Variants in IGF2R observed in about 807,000 individuals in gnomAD.
IGF2R encodes insulin like growth factor 2 receptor.
Under a neutral mutation model 270.6 loss-of-function variants are expected in IGF2R, and 91 were observed. That is an observed-to-expected ratio of 0.34 (90% CI 0.28 to 0.40). IGF2R has a LOEUF of 0.40. IGF2R is among the 10% of genes least tolerant of loss of function. The pLI, the probability that IGF2R is intolerant of heterozygous loss-of-function variation, is 1.00. For missense variants in IGF2R, 2,805 were observed against 3,188.3 expected (o/e 0.88, Z 2.90); for synonymous variants, 1,316 against 1,258.9 (o/e 1.05, Z -0.96).
rs1003459422 is a variant in IGF2R, at chr6:160,050,162, A to C, written c.2515-311A>C. On this transcript the variant is annotated intron_variant, in intron 18 of 47. Transcript: ENST00000356956. This position sits in a 1 kb window ranked among gnomAD's most constrained non-coding sequence, Gnocchi z 4.0. ...TATTGAACGAAAGCCTTATGATTCCAATGCCAGTGATTCTTTCTGTAGCAA... is the reference window on the plus strand; with the variant it reads ...TATTGAACGAAAGCCTTATGATTCCCATGCCAGTGATTCTTTCTGTAGCAA... Among the ~76,000 whole-genome samples the C allele has an allele frequency of 6.6e-6, 1 of 152,244 alleles. No individual in the cohort carries two copies. The highest frequency in any genetic ancestry group is 1.5e-5 in the Non-Finnish European group (1 of 68,044).
rs1405348801 is a variant in IGF2R at position 160,039,336 on chromosome 6, A to G, written c.1316-1224A>G. Among the ~76,000 whole-genome samples, 7 of 152,234 alleles carry G rather than the reference A, an allele frequency of 4.6e-5. No homozygotes were observed. In the East Asian group the frequency reaches 1.2e-3, roughly 25 times the overall value. On this transcript the variant is annotated intron_variant, in intron 10 of 47. Coordinates refer to ENST00000356956, the MANE Select transcript of IGF2R (RefSeq NM_000876.4). Reference sequence around the variant, plus strand: ...AAAGGTCCACTAAAAATACGATACTATAATCTTTTGAGGCTACCGTTTTAT... The same window carrying G: ...AAAGGTCCACTAAAAATACGATACTGTAATCTTTTGAGGCTACCGTTTTAT...
At position 160,080,146 on chromosome 6, in the gene IGF2R, C is replaced by T; in HGVS notation, c.5704C>T (p.Pro1902Ser). Residue 1902 changes from proline to serine, a missense_variant, in exon 39 of 48, where the codon CCC (proline) becomes TCC (serine). Coordinates refer to ENST00000356956, the MANE Select transcript of IGF2R (RefSeq NM_000876.4). ...RCPPETDDGV[P>S]CVFPFIFNGK... ...CTTTCCAGAAACCGATGACGGCGTC[C>T]CCTGTGTCTTCCCCTTCATATTCAA... is the stretch of plus-strand genomic sequence containing the variant. 1 of 1,614,146 alleles carries T rather than the reference C, an allele frequency of 6.2e-7. No individual in the cohort carries two copies. The highest frequency in any genetic ancestry group is 8.5e-7 in the Non-Finnish European group (1 of 1,179,998).
At chr6:160,079,214 C>T (rs1035503071) in intron 37 of IGF2R, among the ~76,000 whole-genome samples, 1 of 152,208 alleles carries the variant, frequency 6.6e-6, no homozygotes, top group African/African-American at 2.4e-5. Flanking sequence ...CGGCTCTGCT[C>T]ATTCACTCAC....
At chr6:160,058,164 AG>A in intron 21 of IGF2R, 40 bp downstream of exon 21, 1 of 1,347,834 alleles carries the variant, frequency 7.4e-7, no homozygotes, top group Non-Finnish European at 1.1e-6. Context: ...GCTTTGAAAC[AG>A]GGGGAGAGTG....
At chr6:160,082,476 A>T (rs565198710) in intron 39 of IGF2R, among the ~76,000 whole-genome samples, 2 of 151,896 alleles carry the variant, frequency 1.3e-5, no homozygotes, top group East Asian at 3.9e-4. Flanking sequence ...CACCCAGCTA[A>T]TTTTTTTGTA....
intron 1 of IGF2R, among the ~76,000 whole-genome samples, chr6:159,987,158 T>C (rs546728623): frequency 6.6e-6 from 1 of 152,340 alleles, no homozygotes; most frequent in South Asian, 2.1e-4. Flanking sequence ...ATCCTTTAGT[T>C]TCAAACATGT....
Position 160,111,230 on chromosome 6 carries a change from A to C in IGF2R, c.*6146A>C, listed in dbSNP as rs1244490260. 4.0e-5 allele frequency: 6 copies of C among 149,670 alleles called. No homozygotes were observed. The East Asian group carries it at 9.8e-4, about 24-fold the overall frequency. 9.3% of individuals were successfully genotyped at this position (149,670 alleles called of 1,614,324 possible). On this transcript the variant is annotated 3_prime_UTR_variant, in exon 48 of 48. Transcript: ENST00000356956. ...AGGTTTGAACTCTGTGGGTCCACTT[A>C]CATGCGGTTTTTTTTTTCTGTAAAA... is the stretch of plus-strand genomic sequence containing the variant.
At chr6:160,072,117 C>T in intron 32 of IGF2R, 81 bp downstream of exon 32, 3 of 1,579,170 alleles carry the variant, frequency 1.9e-6, no homozygotes, top group Non-Finnish European at 2.6e-6. Context: ...AGGGGAGAGA[C>T]CCAAAGAGAA....
At chr6:159,980,183 AAAAGAAAGAAAG>A (rs57599343) in intron 1 of IGF2R, among the ~76,000 whole-genome samples, 4,940 of 121,912 alleles carry the variant, frequency 0.041, 324 homozygotes, top group South Asian at 0.099. Flanking sequence ...TCCGTCTCAA[AAAAGAAAGAAAG>A]AAAGAAAGAA....
chr6:160,111,332 A>G lies in IGF2R; in HGVS notation c.*6248A>G, dbSNP rs189586118. On this transcript the variant is annotated 3_prime_UTR_variant, in exon 48 of 48. Transcript: ENST00000356956. ...CTTGGCACAGCAAGACCAACCCCCC[A>G]CTTCCTCCTCCTCCTCCTCAGCCTA... 75 of 151,662 alleles carry G rather than the reference A, an allele frequency of 4.9e-4. 1 individual carries two copies. The highest frequency in any genetic ancestry group is 1.7e-3 in the African/African-American group (71 of 41,198). The allele number at this position is 151,662 out of a possible 1,614,324, so 9.4% of individuals were successfully genotyped here.
intron 4 of IGF2R, among the ~76,000 whole-genome samples, chr6:160,023,505 G>T (rs920122909): frequency 6.6e-6 from 1 of 152,180 alleles, no homozygotes; most frequent in Non-Finnish European, 1.5e-5. Context: ...ATGCCAACCT[G>T]CCAGGAGCTG....
chr6:160,075,879 C>G lies in IGF2R; in HGVS notation c.5199C>G (p.Leu1733=), dbSNP rs371056070. ...DIGRVAGPPI[L]NPIANEIYLN... ...GCCGGGTAGCAGGACCACCAATACT[C>G]AATCCAATAGCAAATGAGATTTACT... Residue 1733 remains leucine (L), a synonymous_variant, in exon 36 of 48, where the codon CTC becomes CTG. Coordinates refer to ENST00000356956, the MANE Select transcript of IGF2R (RefSeq NM_000876.4). 1.9e-6 allele frequency: 3 copies of G among 1,614,172 alleles called. No individual in the cohort carries two copies. The highest frequency in any genetic ancestry group is 1.7e-6 in the Non-Finnish European group (2 of 1,179,982).
chr6:160,051,114 A>T (rs988845098), intron 19 of IGF2R, among the ~76,000 whole-genome samples: 3 of 152,188 alleles, frequency 2.0e-5, no homozygotes, highest in Non-Finnish European at 4.4e-5. Flanking sequence ...AGCACCGGGG[A>T]ATAAATAGCA....
intron 1 of IGF2R, among the ~76,000 whole-genome samples, chr6:159,980,183 AAAAGAAAG>A (rs57599343): frequency 0.14 from 17,629 of 121,718 alleles, 1,928 homozygotes; most frequent in Non-Finnish European, 0.17. Context: ...TCCGTCTCAA[AAAAGAAAG>A]AAAGAAAGAA....
intron 2 of IGF2R, among the ~76,000 whole-genome samples, chr6:159,995,048 C>G (rs1332426330): frequency 6.6e-6 from 1 of 152,064 alleles, no homozygotes; most frequent in Non-Finnish European, 1.5e-5. Context: ...GTTGAAGTCT[C>G]TCATTATTAT....
intron 29 of IGF2R, among the ~76,000 whole-genome samples, chr6:160,066,616 C>T (rs1778590975): frequency 6.6e-6 from 1 of 152,040 alleles, no homozygotes; most frequent in Non-Finnish European, 1.5e-5. Flanking sequence ...CAACCCCTAG[C>T]TTCACTCCAC....
chr6:160,024,342 G>C (rs1375876352), intron 4 of IGF2R, among the ~76,000 whole-genome samples: 1 of 152,174 alleles, frequency 6.6e-6, no homozygotes, highest in Non-Finnish European at 1.5e-5. Flanking sequence ...GTGATGTAAA[G>C]TGAGAGGAGA....
rs548351240 is a variant in IGF2R, at chr6:160,058,118, T to A, written c.2892T>A (p.Ile964=). 1.3e-5 allele frequency: 21 copies of A among 1,603,174 alleles called. No individual in the cohort carries two copies. The South Asian group carries it at 2.0e-4, about 15-fold the overall frequency. Residue 964 remains isoleucine (I), a synonymous_variant, in exon 21 of 48, where the codon ATT becomes ATA. Transcript: ENST00000356956. The stretch of plus-strand genomic sequence containing the variant: ...ATAACGTCTCTGGCATTGGGAAGAT[T>A]TTTATGGTAAGAGCGATATGATGCA... The part of the protein sequence containing the change: ...QGYNVSGIGK[I]FMFNVCGTMP...
chr6:160,074,869 C>T (rs1035276193), intron 35 of IGF2R, among the ~76,000 whole-genome samples: 7 of 152,206 alleles, frequency 4.6e-5, no homozygotes, highest in Admixed American at 3.9e-4. Context: ...AGATGGAGGC[C>T]TGGACAAGCT....
Sources: allele counts gnomAD v4.1 joint callset (sites outside exome capture counted in the v4.1 genomes callset), GRCh38; gene constraint gnomAD v4.1.1; non-coding constraint Gnocchi (gnomAD v3.1); transcripts MANE v1.5; gene names NCBI Gene and HGNC (gene_info 2026-07-23, HGNC 2026-07-21).